ADGRL1: variants seen among roughly 807,000 people sequenced by gnomAD.
ADGRL1 encodes adhesion G protein-coupled receptor L1.
A neutral mutation model predicts 148.9 loss-of-function variants in ADGRL1; 31 were observed. That is an observed-to-expected ratio of 0.21 (90% CI 0.16 to 0.28). The LOEUF (loss-of-function observed/expected upper bound fraction) is 0.28, where lower values mean the gene tolerates loss of function less well. ADGRL1 is among the 10% of genes least tolerant of loss of function. The pLI is 1.00. For missense variants in ADGRL1, 1,521 were observed against 2,058.8 expected (o/e 0.74, Z 5.05); for synonymous variants, 937 against 900.3 (o/e 1.04, Z -0.73).
At chr19:14,158,208 T>C (rs1968965200) in intron 12 of ADGRL1, 130 bp downstream of exon 12, 2 of 1,231,512 alleles carry the variant, frequency 1.6e-6, no homozygotes, top group South Asian at 1.4e-5. Flanking sequence ...TGGGGACAAA[T>C]GGCCCAAGCT....
intron 4 of ADGRL1, among the ~76,000 whole-genome samples, chr19:14,167,708 G>A (rs925532277): frequency 2.0e-5 from 3 of 151,978 alleles, no homozygotes; most frequent in Non-Finnish European, 2.9e-5. Flanking sequence ...ACAGGCAGAC[G>A]GGCAGTTGCA....
rs1319059028 is a variant in ADGRL1, at chr19:14,151,175, G to A, written c.4108C>T (p.Leu1370Phe). 6.2e-7 allele frequency: 1 copy of A among 1,609,782 alleles called. No homozygotes were observed. The highest frequency in any genetic ancestry group is 1.1e-5 in the South Asian group (1 of 90,818). ...TAEDGATSRP[L>F]SSPPGRDSLY... The stretch of plus-strand genomic sequence containing the variant: ...GAGTCCCGGCCAGGAGGGGAGGAGA[G>A]GGGCCGGCTGGTGGCGCCGTCCTCG... The change falls in exon 23 of 23, where the codon CTC becomes TTC. Residue 1370 changes from leucine to phenylalanine, a missense_variant. Leu to Phe is a conservative substitution (Grantham distance 22, BLOSUM62 0). Transcript: ENST00000361434.
Position 14,159,871 on chromosome 19 carries a change from C to T in ADGRL1, c.1801-98G>A. On this transcript the variant is annotated intron_variant, in intron 8 of 22. Transcript: ENST00000361434. The surrounding 1 kb of genome is among the most constrained non-coding windows in gnomAD (Gnocchi z 6.0). Reference sequence around the variant, plus strand: ...TGGATAGCTCTCTCGTCTGCGGTTACCACTGACCCAGGGCTGGGCTATCAG... The same window carrying T: ...TGGATAGCTCTCTCGTCTGCGGTTATCACTGACCCAGGGCTGGGCTATCAG... 8.5e-7 allele frequency: 1 copy of T among 1,177,358 alleles called. No individual in the cohort carries two copies. Among genetic ancestry groups the T allele is most frequent in the Admixed American group, 1.7e-5 (1 of 59,146 alleles). The allele number at this position is 1,177,358 out of a possible 1,614,324, so 72.9% of individuals were successfully genotyped here.
Position 14,187,065 on chromosome 19 carries a change from C to T in ADGRL1, c.-95-3368G>A, listed in dbSNP as rs114144432. Among the ~76,000 whole-genome samples the T allele has an allele frequency of 6.6e-3, 1,002 of 152,304 alleles. 7 individuals are homozygous for T. The highest frequency in any genetic ancestry group is 0.023 in the African/African-American group (950 of 41,562). ...TTACAAATCAGCACACGGCTGGGCACGGTGGCCCGTGCCTGTAATCCCAGC... is the reference window on the plus strand; with the variant it reads ...TTACAAATCAGCACACGGCTGGGCATGGTGGCCCGTGCCTGTAATCCCAGC... On this transcript the variant is annotated intron_variant, in intron 1 of 22. Coordinates refer to ENST00000361434, the MANE Select transcript of ADGRL1 (RefSeq NM_014921.5).
rs1344013194 is a variant in ADGRL1 at position 14,150,912 on chromosome 19, G to C, written c.4371C>G (p.Pro1457=). The C allele has an allele frequency of 6.2e-7, 1 of 1,612,078 alleles. No individual in the cohort carries two copies. Among genetic ancestry groups the C allele is most frequent in the Admixed American group, 1.7e-5 (1 of 59,972 alleles). ...LAAPGLEGPG[P]DGDGQMQLVT... is the part of the protein sequence containing the mutation. ...CCAGCTGCATCTGCCCGTCCCCATC[G>C]GGCCCTGGCCCCTCAAGGCCTGGGG... Residue 1457 remains proline, a synonymous_variant, in exon 23 of 23, where the codon CCC becomes CCG. Coordinates refer to ENST00000361434, the MANE Select transcript of ADGRL1 (RefSeq NM_014921.5).
chr19:14,164,910 C>G (rs1969805338), intron 4 of ADGRL1, among the ~76,000 whole-genome samples: 1 of 152,134 alleles, frequency 6.6e-6, no homozygotes, highest in African/African-American at 2.4e-5. Context: ...TGGCAGAACC[C>G]ACACATAGGC....
Position 14,148,261 on chromosome 19 carries a change from GC to G in ADGRL1, c.*2611del, listed in dbSNP as rs1217513794. 6.5e-6 allele frequency: 1 copy of G among 152,686 alleles called. No individual in the cohort carries two copies. Among genetic ancestry groups the G allele is most frequent in the African/African-American group, 2.4e-5 (1 of 41,448 alleles). 9.5% of individuals were successfully genotyped at this position (152,686 alleles called of 1,614,324 possible). A position where few individuals can be genotyped will look rare whatever the true frequency, so the allele number is the denominator to read the frequency against. On this transcript the variant is annotated 3_prime_UTR_variant, in exon 23 of 23. Transcript: ENST00000361434. ...TTGCACTGGACTGCAGTGATGTCCA[GC>G]CCCAGCAGGGGGCCCTGCCACACAG... is the stretch of plus-strand genomic sequence containing the variant.
rs866013398 is a variant in ADGRL1, at chr19:14,187,596, G to A, written c.-95-3899C>T. ...CCCCAGCTACCTCCAGCCCCCAACC[G>A]CGTCTCCCCCCACATCCCTGACTAG... is the stretch of plus-strand genomic sequence containing the variant. On this transcript the variant is annotated intron_variant, in intron 1 of 22. Transcript: ENST00000361434. Among the ~76,000 whole-genome samples, 118 of 37,980 alleles carry A rather than the reference G, an allele frequency of 3.1e-3. 1 individual carries two copies. In the Middle Eastern group the frequency reaches 0.052, roughly 17 times the overall value. The allele number at this position is 37,980 out of a possible 152,430, so 24.9% of individuals were successfully genotyped here. A position where few individuals can be genotyped will look rare whatever the true frequency, so the allele number is the denominator to read the frequency against.
chr19:14,151,352 C>G lies in ADGRL1; in HGVS notation c.3931G>C (p.Gly1311Arg). 6.2e-7 allele frequency: 1 copy of G among 1,600,794 alleles called. No individual in the cohort carries two copies. The highest frequency in any genetic ancestry group is 8.5e-7 in the Non-Finnish European group (1 of 1,174,448). Residue 1311 changes from glycine (G) to arginine (R), a missense_variant, in exon 23 of 23, where the codon GGC (glycine) becomes CGC (arginine). This residue lies in a region of ADGRL1 where 390 missense variants were observed against 375.0 expected (regional missense o/e 1.04). Transcript: ENST00000361434. ...CCGCCCGCCTCTTCCTCGCCCCCGC[C>G]CCCTGGCACAGGTGGCACAGGGGGC... ...PEPPVPPVPG[G>R]GGEEEAGGPG...
chr19:14,150,580 C>T lies in ADGRL1; in HGVS notation c.*293G>A. The T allele has an allele frequency of 2.3e-6, 1 of 442,462 alleles. No homozygotes were observed. The highest frequency in any genetic ancestry group is 4.0e-6 in the Non-Finnish European group (1 of 247,666). 27.4% of individuals were successfully genotyped at this position (442,462 alleles called of 1,614,324 possible). ...GGGGAGAGTCTGGAAGTGGGCTGCA[C>T]CCTTCCAAGTTCTCCCTCCTCACTC... On this transcript the variant is annotated 3_prime_UTR_variant, in exon 23 of 23. Transcript: ENST00000361434.
rs768495912 is a variant in ADGRL1 at position 14,150,837 on chromosome 19, G to A, written c.*36C>T. 14 of 1,598,904 alleles carry A rather than the reference G, an allele frequency of 8.8e-6. No homozygotes were observed. The highest frequency in any genetic ancestry group is 1.8e-4 in the Middle Eastern group (1 of 5,480). On this transcript the variant is annotated 3_prime_UTR_variant, in exon 23 of 23. Coordinates refer to ENST00000361434, the MANE Select transcript of ADGRL1 (RefSeq NM_014921.5). ...GAGCCCTGCCCAGGGTTCCCTCCCTGGCCTGGGCCACCAGCCCCTGGTCCA... is the reference window on the plus strand; with the variant it reads ...GAGCCCTGCCCAGGGTTCCCTCCCTAGCCTGGGCCACCAGCCCCTGGTCCA...
intron 1 of ADGRL1, among the ~76,000 whole-genome samples, chr19:14,189,013 A>G (rs1971763739): frequency 6.6e-6 from 1 of 151,994 alleles, no homozygotes; most frequent in Non-Finnish European, 1.5e-5. Context: ...CGGCCTCCCA[A>G]CGTGTTGGGA....
intron 1 of ADGRL1, among the ~76,000 whole-genome samples, chr19:14,202,028 G>A (rs765674479): frequency 6.6e-6 from 1 of 152,058 alleles, no homozygotes; most frequent in Non-Finnish European, 1.5e-5. Context: ...AGGGTCCTCC[G>A]TGGCAGAACA....
At chr19:14,179,180 T>C (rs1971020198) in intron 2 of ADGRL1, among the ~76,000 whole-genome samples, 1 of 147,986 alleles carries the variant, frequency 6.8e-6, no homozygotes, top group Admixed American at 6.8e-5. Flanking sequence ...TGACATTCCA[T>C]CTCAAAAATA....
At position 14,191,561 on chromosome 19, in the gene ADGRL1, G is replaced by A. The variant is rs1265824969; in HGVS notation, c.-95-7864C>T. ...CAGAAATTTACTTCCTCCTAGTTCTGGAGGCCAGAAGGCCAAGATCAAGGT... is the reference window on the plus strand; with the variant it reads ...CAGAAATTTACTTCCTCCTAGTTCTAGAGGCCAGAAGGCCAAGATCAAGGT... On this transcript the variant is annotated intron_variant, in intron 1 of 22. Coordinates refer to ENST00000361434, the MANE Select transcript of ADGRL1 (RefSeq NM_014921.5). 5 of 418,690 alleles carry A rather than the reference G, an allele frequency of 1.2e-5. No individual in the cohort carries two copies. In the East Asian group the frequency reaches 2.9e-4, roughly 24 times the overall value. The allele number at this position is 418,690 out of a possible 1,614,324, so 25.9% of individuals were successfully genotyped here.
intron 3 of ADGRL1, among the ~76,000 whole-genome samples, chr19:14,176,504 G>A (rs563021621): frequency 5.3e-5 from 8 of 152,192 alleles, no homozygotes; most frequent in African/African-American, 1.9e-4. Flanking sequence ...TATCATCTGT[G>A]CTCAGGTGTC....
At position 14,182,313 on chromosome 19, in the gene ADGRL1, C is replaced by G. The variant is rs950292352; in HGVS notation, c.70+1220G>C. Among the ~76,000 whole-genome samples the G allele has an allele frequency of 2.0e-5, 3 of 152,316 alleles. No individual in the cohort carries two copies. In the East Asian group the frequency reaches 5.8e-4, roughly 29 times the overall value. On this transcript the variant is annotated intron_variant, in intron 2 of 22. Coordinates refer to ENST00000361434, the MANE Select transcript of ADGRL1 (RefSeq NM_014921.5). Reference sequence around the variant, plus strand: ...GGTGCCTGGCAGGGTCCATGCTGGCCGGGGCAGCACCTTCTGTGACGCTGG... The same window carrying G: ...GGTGCCTGGCAGGGTCCATGCTGGCGGGGGCAGCACCTTCTGTGACGCTGG...
intron 18 of ADGRL1, among the ~76,000 whole-genome samples, chr19:14,153,753 C>T (rs1968452826): frequency 6.6e-6 from 1 of 151,006 alleles, no homozygotes; most frequent in Non-Finnish European, 1.5e-5. Context: ...GAGTTCGAGA[C>T]CAGCCTGGGC....
intron 1 of ADGRL1, among the ~76,000 whole-genome samples, chr19:14,189,692 G>T (rs1215583950): frequency 6.6e-6 from 1 of 152,212 alleles, no homozygotes; most frequent in Non-Finnish European, 1.5e-5. Context: ...CATGCGGGCT[G>T]TTGCACAGAA....
Sources: gnomAD v4.1 joint callset for allele counts (sites outside exome capture counted in the v4.1 genomes callset) on GRCh38, gnomAD v4.1.1 for gene constraint, gnomAD v4.1.1 regional missense constraint, Gnocchi (gnomAD v3.1) non-coding constraint, MANE v1.5 for transcripts, NCBI Gene and HGNC (gene_info 2026-07-23, HGNC 2026-07-21) for gene names.